The following RUNX1 variants were observed in gnomAD, a reference collection of about 807,000 sequenced individuals.
The protein encoded by RUNX1 is RUNX family transcription factor 1.
RUNX1 carries 19 observed loss-of-function variants against 42.8 expected under a neutral mutation model. That is an observed-to-expected ratio of 0.44 (90% CI 0.31 to 0.65). The LOEUF is 0.65. Among genes scored for constraint, RUNX1 ranks in the 30% least tolerant of loss-of-function variants. The probability of loss-of-function intolerance (pLI) is 0.07; values close to 1 mark genes in which losing one functional copy is unlikely to be tolerated. For synonymous variants in RUNX1, 271 were observed against 289.4 expected (o/e 0.94, Z 0.64); for missense variants, 528 against 672.0 (o/e 0.79, Z 2.37).
At chr21:34,846,504 T>C (rs1159438063) in intron 6 of RUNX1, among the ~76,000 whole-genome samples, 2 of 152,154 alleles carry the variant, frequency 1.3e-5, no homozygotes, top group Admixed American at 6.5e-5. Context: ...TAGAAGCTGA[T>C]AAAGACCTTA....
At chr21:34,903,353 T>G (rs1200012953) in intron 2 of RUNX1, among the ~76,000 whole-genome samples, 2 of 152,188 alleles carry the variant, frequency 1.3e-5, no homozygotes, top group Admixed American at 6.5e-5. Context: ...TCCTATTCAA[T>G]AAACAGATAA....
At chr21:34,973,041 C>T (rs1452748294) in intron 2 of RUNX1, among the ~76,000 whole-genome samples, 1 of 152,178 alleles carries the variant, frequency 6.6e-6, no homozygotes, top group Admixed American at 6.5e-5. Flanking sequence ...ATCCTCAAAA[C>T]CAATATATCC....
chr21:34,939,341 T>G (rs2058509643), intron 2 of RUNX1, among the ~76,000 whole-genome samples: 1 of 152,258 alleles, frequency 6.6e-6, no homozygotes, highest in African/African-American at 2.4e-5. Context: ...TCATGTCTGC[T>G]GGGCTGCCAA....
intron 2 of RUNX1, among the ~76,000 whole-genome samples, chr21:34,916,172 G>C (rs2058310588): frequency 6.6e-6 from 1 of 152,150 alleles, no homozygotes; most frequent in South Asian, 2.1e-4. Flanking sequence ...GTGGCTCATT[G>C]GTATTGCATG....
chr21:34,965,978 C>T (rs2058715638), intron 2 of RUNX1, among the ~76,000 whole-genome samples: 1 of 152,234 alleles, frequency 6.6e-6, no homozygotes, highest in Non-Finnish European at 1.5e-5. Flanking sequence ...GTGCCAGCCA[C>T]ATCCCAGGGC....
At chr21:34,949,666 C>T (rs1180328929) in intron 2 of RUNX1, among the ~76,000 whole-genome samples, 2 of 152,218 alleles carry the variant, frequency 1.3e-5, no homozygotes, top group African/African-American at 2.4e-5. Flanking sequence ...ATGCCACACC[C>T]GCGCCAGCGA....
At chr21:35,002,382 TTTTATTTATTTA>T (rs149613285) in intron 2 of RUNX1, among the ~76,000 whole-genome samples, 2,230 of 141,042 alleles carry the variant, frequency 0.016, 36 homozygotes, top group African/African-American at 0.04. Flanking sequence ...ACACAGCACA[TTTTATTTATTTA>T]TTTATTTATT....
chr21:34,863,441 C>T (rs775539857), intron 5 of RUNX1, among the ~76,000 whole-genome samples: 100 of 152,150 alleles, frequency 6.6e-4, no homozygotes, highest in Non-Finnish European at 9.0e-4. Context: ...CATGACACCC[C>T]ATCTGGTAAA....
chr21:34,927,592 C>T (rs2058405756), intron 2 of RUNX1, among the ~76,000 whole-genome samples: 1 of 152,160 alleles, frequency 6.6e-6, no homozygotes, highest in Non-Finnish European at 1.5e-5. Context: ...TATATTCAGA[C>T]TCTGAATTCA....
intron 2 of RUNX1, among the ~76,000 whole-genome samples, chr21:34,985,358 T>C (rs1209311294): frequency 1.3e-5 from 2 of 152,188 alleles, no homozygotes; most frequent in Non-Finnish European, 2.9e-5. Flanking sequence ...AAAGGGTGCT[T>C]GCTGACTGGC....
intron 2 of RUNX1, among the ~76,000 whole-genome samples, chr21:34,931,318 T>TTATA (rs942335329): frequency 2.2e-4 from 32 of 144,984 alleles, no homozygotes; most frequent in African/African-American, 8.4e-4. Context: ...TCAACATGCA[T>TTATA]TATATATATA....
chr21:35,048,581 C>T (rs2059417145), intron 2 of RUNX1, among the ~76,000 whole-genome samples: 1 of 152,226 alleles, frequency 6.6e-6, no homozygotes, highest in African/African-American at 2.4e-5. Flanking sequence ...CTTACTCGCA[C>T]TTGACAAAGT....
chr21:34,998,800 C>G (rs577889903), intron 2 of RUNX1, among the ~76,000 whole-genome samples: 11 of 152,214 alleles, frequency 7.2e-5, no homozygotes, highest in Admixed American at 7.2e-4. Context: ...CTTGCCCTCC[C>G]AAAGTGCTGG....
chr21:34,910,150 T>C (rs2146519593), intron 2 of RUNX1, among the ~76,000 whole-genome samples: 1 of 152,372 alleles, frequency 6.6e-6, no homozygotes, highest in Admixed American at 6.5e-5. Context: ...AGTTCAGTGC[T>C]GTCTTCCCAG....
At chr21:35,019,415 T>C (rs1194642002) in intron 2 of RUNX1, among the ~76,000 whole-genome samples, 1 of 152,228 alleles carries the variant, frequency 6.6e-6, no homozygotes, top group African/African-American at 2.4e-5. Context: ...ATATGTCTTC[T>C]GTCCTCAAAC....
At chr21:34,945,953 C>T (rs112636512) in intron 2 of RUNX1, among the ~76,000 whole-genome samples, 2 of 152,198 alleles carry the variant, frequency 1.3e-5, no homozygotes, top group African/African-American at 2.4e-5. Flanking sequence ...AACTCATTGA[C>T]TGCTTCTCAC....
intron 2 of RUNX1, among the ~76,000 whole-genome samples, chr21:34,950,536 C>G (rs2058599224): frequency 6.6e-6 from 1 of 152,118 alleles, no homozygotes; most frequent in African/African-American, 2.4e-5. Flanking sequence ...GTCAGGAGTT[C>G]AAGACCAGCC....
chr21:34,797,958 C>T, intron 8 of RUNX1: 1 of 455,382 alleles, frequency 2.2e-6, no homozygotes, highest in Admixed American at 2.4e-5. Context: ...ATGCTCAGGA[C>T]AGACCCCCCC....
chr21:34,799,245 C>G (rs2056573415), intron 8 of RUNX1, 56 bp downstream of exon 8: 4 of 1,593,500 alleles, frequency 2.5e-6, no homozygotes, highest in Non-Finnish European at 3.4e-6. Context: ...CACCTCTAGT[C>G]TCCTGGACCT....
Sources: allele counts gnomAD v4.1 joint callset (sites outside exome capture counted in the v4.1 genomes callset), GRCh38; gene constraint gnomAD v4.1.1; transcripts MANE v1.5; gene names NCBI Gene and HGNC (gene_info 2026-07-23, HGNC 2026-07-21).